The following WDR44 variants were observed in gnomAD, a reference collection of about 807,000 sequenced individuals.
The protein encoded by WDR44 is WD repeat-containing protein 44.
WDR44 carries 9 observed loss-of-function variants against 65.7 expected under a neutral mutation model. The observed-to-expected ratio is 0.14, with a 90% confidence interval of 0.08 to 0.24. The LOEUF (loss-of-function observed/expected upper bound fraction) is 0.24, where lower values mean the gene tolerates loss of function less well. WDR44 is among the 10% of genes least tolerant of loss of function. The probability of loss-of-function intolerance (pLI) is 1.00; values close to 1 mark genes in which losing one functional copy is unlikely to be tolerated. For missense variants in WDR44, 425 were observed against 670.9 expected (o/e 0.63, Z 4.05); for synonymous variants, 220 against 235.2 (o/e 0.94, Z 0.59).
chrX:118,352,352 A>ATATATATTTTTTTTTTTT (rs1357425730), intron 1 of WDR44, among the ~76,000 whole-genome samples: 2 of 14,224 alleles, frequency 1.4e-4, no homozygotes, highest in Admixed American at 1.8e-3. Context: ...ATATATATAT[A>ATATATATTTTTTTTTTTT]TTTTTTTTTT....
In WDR44 at chrX:118,448,778, G is replaced by A. The variant is rs1173937341; in HGVS notation, c.2648-115G>A. 4 of 411,119 alleles carry A rather than the reference G, an allele frequency of 9.7e-6. No individual in the cohort carries two copies. In the East Asian group the frequency reaches 1.6e-4, roughly 17 times the overall value. 33.9% of individuals were successfully genotyped at this position (411,119 alleles called of 1,213,427 possible). A position where few individuals can be genotyped will look rare whatever the true frequency, so the allele number is the denominator to read the frequency against. On this transcript the variant is annotated intron_variant, in intron 19 of 19. Transcript: ENST00000254029. The stretch of plus-strand genomic sequence containing the variant: ...CCAGCCAGAAAAGGAGACTGAAAAG[G>A]TGGGGAGATGATCTTCTCCCCTGAA...
intron 12 of WDR44, among the ~76,000 whole-genome samples, chrX:118,423,492 T>G (rs1249216256): frequency 1.8e-5 from 2 of 111,862 alleles, no homozygotes; most frequent in African/African-American, 6.5e-5. Flanking sequence ...TTAAACCACT[T>G]TATTGAGGTA....
chrX:118,447,293 G>A (rs1441861460), intron 19 of WDR44, among the ~76,000 whole-genome samples: 1 of 110,813 alleles, frequency 9.0e-6, no homozygotes, highest in East Asian at 2.8e-4. Flanking sequence ...AAAAAGTACA[G>A]GGTTTTTTTT....
chrX:118,435,817 A>G (rs1183054655), intron 13 of WDR44, among the ~76,000 whole-genome samples: 2 of 112,599 alleles, frequency 1.8e-5, no homozygotes, highest in Non-Finnish European at 3.7e-5. Flanking sequence ...TATACCATCT[A>G]TTTGAAAACA....
At chrX:118,350,817 A>G (rs2056397208) in intron 1 of WDR44, among the ~76,000 whole-genome samples, 1 of 111,625 alleles carries the variant, frequency 9.0e-6, no homozygotes, top group African/African-American at 3.3e-5. Context: ...TAGAATCATA[A>G]CATTTTTAGA....
intron 14 of WDR44, among the ~76,000 whole-genome samples, chrX:118,440,120 C>CAAA (rs36033722): frequency 0.025 from 1,717 of 68,657 alleles, 63 homozygotes; most frequent in African/African-American, 0.079. Flanking sequence ...ACCCCATCAC[C>CAAA]AAAAAAAAAA....
intron 8 of WDR44, among the ~76,000 whole-genome samples, chrX:118,400,670 GTT>G (rs57214124): frequency 2.8e-5 from 2 of 70,668 alleles, no homozygotes; most frequent in East Asian, 4.8e-4. Context: ...AATCAGTTTT[GTT>G]TTTTTTTTTA....
chrX:118,415,678 A>AT (rs1320814191), intron 12 of WDR44, among the ~76,000 whole-genome samples: 1 of 110,829 alleles, frequency 9.0e-6, no homozygotes, highest in Non-Finnish European at 1.9e-5. Context: ...TAGTTTTTGT[A>AT]TTTTTAGTAG....
At chrX:118,437,116 A>G (rs1602972868) in intron 14 of WDR44, among the ~76,000 whole-genome samples, 1 of 111,662 alleles carries the variant, frequency 9.0e-6, no homozygotes, top group South Asian at 3.8e-4. Flanking sequence ...TGGAGGAAGA[A>G]GAGACAGCAG....
intron 2 of WDR44, among the ~76,000 whole-genome samples, 159 bp from the exon 3 acceptor site, chrX:118,387,181 C>CAA (rs61229618): frequency 1.4e-3 from 53 of 37,961 alleles, no homozygotes; most frequent in Non-Finnish European, 1.6e-3. Context: ...AACTCTGTCT[C>CAA]AAAAAAAAAA....
At position 118,441,501 on chromosome X, in the gene WDR44, A is replaced by G; in HGVS notation, c.2108A>G (p.Asn703Ser). The change falls in exon 15 of 20, where the codon AAT becomes AGT. Residue 703 changes from asparagine to serine, a missense_variant. Coordinates refer to ENST00000254029, the MANE Select transcript of WDR44 (RefSeq NM_019045.5). ...KLITAANFCQNGKYAVIGTYD... is the reference protein window; with the variant it reads ...KLITAANFCQSGKYAVIGTYD... ...ATCACAGCTGCAAATTTCTGTCAGA[A>G]TGGCAAATATGCAGTGATTGGGACA... The G allele has an allele frequency of 8.3e-7, 1 of 1,211,518 alleles. No individual in the cohort carries two copies. Among genetic ancestry groups the G allele is most frequent in the Non-Finnish European group, 1.1e-6 (1 of 895,232 alleles).
intron 1 of WDR44, among the ~76,000 whole-genome samples, chrX:118,361,613 A>G (rs1043560340): frequency 2.7e-5 from 3 of 110,869 alleles, no homozygotes; most frequent in African/African-American, 6.6e-5. Context: ...AAAATTAGCC[A>G]TATGTGGTGG....
chrX:118,366,626 A>G (rs1471550074), intron 1 of WDR44, among the ~76,000 whole-genome samples: 1 of 111,035 alleles, frequency 9.0e-6, no homozygotes, highest in Non-Finnish European at 1.9e-5. Context: ...CAAACGTACA[A>G]AAATTTGGGC....
chrX:118,411,382 C>T (rs759310028), intron 12 of WDR44, among the ~76,000 whole-genome samples: 14 of 111,864 alleles, frequency 1.3e-4, no homozygotes, highest in African/African-American at 4.2e-4. Flanking sequence ...TAATGATTTT[C>T]ATTTGGTTTT....
chrX:118,377,843 T>G (rs1445846780), intron 1 of WDR44, among the ~76,000 whole-genome samples: 1 of 107,172 alleles, frequency 9.3e-6, no homozygotes, highest in African/African-American at 3.4e-5. Context: ...TCCTTGTGCC[T>G]CAGCCTCCTA....
chrX:118,351,807 G>A (rs2056405897), intron 1 of WDR44, among the ~76,000 whole-genome samples: 1 of 110,231 alleles, frequency 9.1e-6, no homozygotes, highest in South Asian at 3.8e-4. Flanking sequence ...AAAATTAGCC[G>A]AGCATGGTAG....
chrX:118,392,396 T>C (rs1388206889), intron 3 of WDR44, among the ~76,000 whole-genome samples: 2 of 112,279 alleles, frequency 1.8e-5, no homozygotes, highest in Non-Finnish European at 3.8e-5. Context: ...CCTGGGTTTA[T>C]ACCTGCTTCA....
At chrX:118,372,773 G>A (rs1382681764) in intron 1 of WDR44, among the ~76,000 whole-genome samples, 1 of 111,901 alleles carries the variant, frequency 8.9e-6, no homozygotes, top group Non-Finnish European at 1.9e-5. Flanking sequence ...TTAAATGCAG[G>A]CGCATGGCTG....
intron 3 of WDR44, among the ~76,000 whole-genome samples, chrX:118,388,141 A>G (rs920295797): frequency 3.6e-5 from 4 of 111,787 alleles, no homozygotes; most frequent in African/African-American, 9.7e-5. Context: ...GCTTCTACTT[A>G]CTAAATGCCA....
Sources: gnomAD v4.1 joint callset for allele counts (sites outside exome capture counted in the v4.1 genomes callset) on GRCh38, gnomAD v4.1.1 for gene constraint, MANE v1.5 for transcripts, NCBI Gene and HGNC (gene_info 2026-07-23, HGNC 2026-07-21) for gene names.